The following CDH4 variants were observed in gnomAD, a reference collection of about 807,000 sequenced individuals.
CDH4 encodes cadherin-4.
A neutral mutation model predicts 86.0 loss-of-function variants in CDH4; 33 were observed. The observed-to-expected ratio is 0.38, with a 90% confidence interval of 0.29 to 0.51. CDH4 has a LOEUF of 0.51. Ranked by LOEUF, CDH4 falls within the 20% of genes least tolerant of loss-of-function variation. The pLI is 0.86. For missense variants in CDH4, 1,114 were observed against 1,307.4 expected, an observed-to-expected ratio of 0.85 and a Z score of 2.28; for synonymous variants, 555 against 549.4, an observed-to-expected ratio of 1.01 and a Z score of -0.14.
intron 2 of CDH4, among the ~76,000 whole-genome samples, chr20:61,726,974 T>C (rs2088121505): frequency 6.6e-6 from 1 of 151,584 alleles, no homozygotes; most frequent in Non-Finnish European, 1.5e-5. Context: ...AGTGCCATCA[T>C]CGCCACCATA....
intron 11 of CDH4, 69 bp from the exon 12 acceptor site, chr20:61,928,121 G>A (rs2055064752): frequency 8.5e-7 from 1 of 1,182,100 alleles, no homozygotes; most frequent in Non-Finnish European, 1.2e-6. Flanking sequence ...TGCGTGTCCT[G>A]TGTGGAGCTG....
At chr20:61,267,874 C>T (rs2084165045) in intron 2 of CDH4, among the ~76,000 whole-genome samples, 1 of 152,196 alleles carries the variant, frequency 6.6e-6, no homozygotes, top group Non-Finnish European at 1.5e-5. Context: ...TTTCTGGCTG[C>T]AGGAGTCTCC....
chr20:61,896,447 G>A (rs968636480), intron 8 of CDH4, among the ~76,000 whole-genome samples: 14 of 152,186 alleles, frequency 9.2e-5, no homozygotes, highest in Admixed American at 6.5e-4. Context: ...AGCACACAAC[G>A]CCATCTGGTG....
chr20:61,687,455 C>T (rs1338238009), intron 2 of CDH4, among the ~76,000 whole-genome samples: 1 of 152,222 alleles, frequency 6.6e-6, no homozygotes, highest in Non-Finnish European at 1.5e-5. Context: ...CAGACACTGC[C>T]TCCTCAGCCA....
chr20:61,547,224 G>T (rs2427163), intron 2 of CDH4, among the ~76,000 whole-genome samples: 36,681 of 61,788 alleles, frequency 0.59, 9,501 homozygotes, highest in East Asian at 0.73. Context: ...TTTTTTTTTT[G>T]CCCCCTGAGA....
intron 9 of CDH4, among the ~76,000 whole-genome samples, chr20:61,918,298 C>T (rs574174436): frequency 6.6e-6 from 1 of 152,222 alleles, no homozygotes; most frequent in Non-Finnish European, 1.5e-5. Flanking sequence ...TCAGCTTGGG[C>T]TGTGGAAGGT....
intron 2 of CDH4, among the ~76,000 whole-genome samples, chr20:61,628,709 C>T (rs1037771865): frequency 2.6e-5 from 4 of 152,340 alleles, no homozygotes; most frequent in Admixed American, 6.5e-5. Flanking sequence ...CCAGGCTAGA[C>T]TCACGCCCAC....
chr20:61,480,086 A>G lies in CDH4; in HGVS notation c.169+225149A>G, dbSNP rs930843525. Among the ~76,000 whole-genome samples the G allele has an allele frequency of 6.6e-6, 1 of 152,136 alleles. No homozygotes were observed. The highest frequency in any genetic ancestry group is 2.4e-5 in the African/African-American group (1 of 41,426). The stretch of plus-strand genomic sequence containing the variant: ...TCGATGTTTTCTTCTGCATTCTTCA[A>G]CAAATACGGGATATAGGAATGGTAA... On this transcript the variant is annotated intron_variant, in intron 2 of 15. Coordinates refer to ENST00000614565, the MANE Select transcript of CDH4 (RefSeq NM_001794.5). This position sits in a 1 kb window ranked among gnomAD's most constrained non-coding sequence, Gnocchi z 5.2.
intron 2 of CDH4, among the ~76,000 whole-genome samples, chr20:61,514,578 G>C (rs2085804783): frequency 6.6e-6 from 1 of 152,118 alleles, no homozygotes; most frequent in South Asian, 2.1e-4. Flanking sequence ...AGGCACTCAG[G>C]ATTTTCCTTT....
At chr20:61,331,032 C>T (rs2084569704) in intron 2 of CDH4, among the ~76,000 whole-genome samples, 1 of 152,072 alleles carries the variant, frequency 6.6e-6, no homozygotes, top group South Asian at 2.1e-4. Context: ...AATGATCATT[C>T]GAGATTCTGC....
chr20:61,927,904 G>T (rs186921099), intron 11 of CDH4, among the ~76,000 whole-genome samples: 1 of 152,220 alleles, frequency 6.6e-6, no homozygotes, highest in African/African-American at 2.4e-5. Flanking sequence ...GCAGCTGCGG[G>T]TGTGGGTGTG....
chr20:61,297,703 G>A (rs1218456629), intron 2 of CDH4, among the ~76,000 whole-genome samples: 2 of 152,250 alleles, frequency 1.3e-5, no homozygotes, highest in Non-Finnish European at 2.9e-5. Flanking sequence ...CTGGATTCTG[G>A]AGGCCTTGCA....
At position 61,393,209 on chromosome 20, in the gene CDH4, C is replaced by T. The variant is rs765978339; in HGVS notation, c.169+138272C>T. 1.5e-4 allele frequency among the ~76,000 whole-genome samples: 23 copies of T among 152,242 alleles called. No individual in the cohort carries two copies. The highest frequency in any genetic ancestry group is 2.5e-4 in the Non-Finnish European group (17 of 68,028). On this transcript the variant is annotated intron_variant, in intron 2 of 15. Transcript: ENST00000614565. The surrounding 1 kb of genome is among the most constrained non-coding windows in gnomAD (Gnocchi z 4.3). The stretch of plus-strand genomic sequence containing the variant: ...TTGACAACACTGTTTAATCGGTCCT[C>T]GCGGGAGCTTCCCTGGGGGTGCAGG...
intron 2 of CDH4, among the ~76,000 whole-genome samples, chr20:61,468,876 A>G (rs1015321353): frequency 2.6e-5 from 4 of 152,236 alleles, no homozygotes; most frequent in Non-Finnish European, 5.9e-5. Context: ...ATCTTATTTC[A>G]GATGACAGGA....
intron 2 of CDH4, among the ~76,000 whole-genome samples, chr20:61,565,222 A>AGGTGGTGGTGGTGGTGGT (rs1228602020): frequency 9.3e-5 from 1 of 10,708 alleles, no homozygotes; most frequent in Non-Finnish European, 1.6e-4. Flanking sequence ...TCTCGGTGGT[A>AGGTGGTGGTGGTGGTGGT]GGTGGTGGTG....
chr20:61,730,835 T>C (rs2088170718), intron 2 of CDH4, among the ~76,000 whole-genome samples: 1 of 152,032 alleles, frequency 6.6e-6, no homozygotes, highest in African/African-American at 2.4e-5. Context: ...AGATTGGTGC[T>C]GGGGGCAGGG....
At chr20:61,452,856 CACTT>C (rs571069626) in intron 2 of CDH4, among the ~76,000 whole-genome samples, 3 of 152,180 alleles carry the variant, frequency 2.0e-5, no homozygotes, top group Non-Finnish European at 4.4e-5. Flanking sequence ...AACTGAGTGA[CACTT>C]ATTATGTTTC....
At chr20:61,282,757 C>T (rs921220410) in intron 2 of CDH4, among the ~76,000 whole-genome samples, 10 of 152,252 alleles carry the variant, frequency 6.6e-5, no homozygotes, top group African/African-American at 2.4e-4. Flanking sequence ...ATGTGATGTG[C>T]TGTGTATGCA....
intron 9 of CDH4, among the ~76,000 whole-genome samples, chr20:61,920,997 GATTGCATGGAAGCGTTGTGTCACAGTA>G (rs71335527): frequency 1.8e-4 from 26 of 147,270 alleles, no homozygotes; most frequent in African/African-American, 6.1e-4. Context: ...GTGGTGTCGT[GATTGCATGGAAGCGTTGTGTCACAGTA>G]ATTGCATGGA....
Sources: gnomAD v4.1 joint callset for allele counts (sites outside exome capture counted in the v4.1 genomes callset) on GRCh38, gnomAD v4.1.1 for gene constraint, Gnocchi (gnomAD v3.1) non-coding constraint, MANE v1.5 for transcripts, NCBI Gene and HGNC (gene_info 2026-07-23, HGNC 2026-07-21) for gene names.